MLPH: variants seen among roughly 807,000 people sequenced by gnomAD.
MLPH encodes the protein exophilin-3.
MLPH carries 51 observed loss-of-function variants against 72.1 expected under a neutral mutation model. The observed-to-expected ratio is 0.71, with a 90% CI of 0.56 to 0.89. MLPH has a LOEUF of 0.89. MLPH is among the 40% of genes least tolerant of loss of function. The pLI, the probability that MLPH is intolerant of heterozygous loss-of-function variation, is 0.00. For synonymous variants in MLPH, 301 were observed against 310.1 expected (o/e 0.97, Z 0.31); for missense variants, 743 against 759.9 (o/e 0.98, Z 0.26).
chr2:237,520,895 G>A (rs111512641), intron 6 of MLPH, among the ~76,000 whole-genome samples: 21,351 of 152,134 alleles, frequency 0.14, 1,629 homozygotes, highest in Non-Finnish European at 0.16. Context: ...GGTGAATTGT[G>A]GCTGAATAAA....
intron 2 of MLPH, among the ~76,000 whole-genome samples, chr2:237,493,800 G>A (rs1332597703): frequency 6.6e-6 from 1 of 152,214 alleles, no homozygotes; most frequent in Non-Finnish European, 1.5e-5. Flanking sequence ...CCTAAGCCAG[G>A]TGATACTTAG....
chr2:237,525,805 G>A lies in MLPH; in HGVS notation c.880G>A (p.Gly294Arg), dbSNP rs768762654. 5.9e-5 allele frequency: 95 copies of A among 1,611,028 alleles called. No individual in the cohort carries two copies. Among genetic ancestry groups the A allele is most frequent in the Non-Finnish European group, 7.4e-5 (87 of 1,179,908 alleles). ...GGCCCTGGGGACTGCTGCTGCACTC[G>A]GTAGGTGCCCTTGGCCAGGGTCTTC... ...RMALGTAAAL[G>R]SNVIRNEQLP... Residue 294 changes from glycine (G) to arginine (R), a missense_variant and splice_region_variant, in exon 7 of 16, where the codon GGG (glycine) becomes AGG (arginine). Coordinates refer to ENST00000264605, the MANE Select transcript of MLPH (RefSeq NM_024101.7).
chr2:237,554,793 T>A lies in MLPH; in HGVS notation c.*1201T>A, dbSNP rs1467005651. The stretch of plus-strand genomic sequence containing the variant: ...TAAGACACTTCCAGGAGCTTTCCAA[T>A]CTCTCACTTAAAACTAAGGTTTGAA... On this transcript the variant is annotated 3_prime_UTR_variant, in exon 16 of 16. Coordinates refer to ENST00000264605, the MANE Select transcript of MLPH (RefSeq NM_024101.7). 6.6e-6 allele frequency: 1 copy of A among 152,144 alleles called. No individual in the cohort carries two copies. Among genetic ancestry groups the A allele is most frequent in the African/African-American group, 2.4e-5 (1 of 41,416 alleles). The allele number at this position is 152,144 out of a possible 1,614,324, so 9.4% of individuals were successfully genotyped here. A position where few individuals can be genotyped will look rare whatever the true frequency, so the allele number is the denominator to read the frequency against.
Position 237,505,278 on chromosome 2 carries a change from C to G in MLPH, c.111-5296C>G, listed in dbSNP as rs896722613. On this transcript the variant is annotated intron_variant, in intron 2 of 15. Coordinates refer to ENST00000264605, the MANE Select transcript of MLPH (RefSeq NM_024101.7). The surrounding 1 kb of genome is among the most constrained non-coding windows in gnomAD (Gnocchi z 4.5). ...GGCACTGAGATACGGATGGCACCCA[C>G]CACTGAGACCCTGATCCCAGCCACA... 2.0e-5 allele frequency among the ~76,000 whole-genome samples: 3 copies of G among 152,176 alleles called. No individual in the cohort carries two copies. Among genetic ancestry groups the G allele is most frequent in the Non-Finnish European group, 4.4e-5 (3 of 68,016 alleles).
chr2:237,519,915 G>T lies in MLPH; in HGVS notation c.561G>T (p.Lys187Asn). ...CCTGTCTTGTGCCTGCTAAGAAAAA[G>T]CGCCTCCTCTCCGTCCACGACTTCG... ...AQAQPFGSKK[K>N]RLLSVHDFDF... The change falls in exon 6 of 16, where the codon AAG becomes AAT. Residue 187 changes from lysine to asparagine, a missense_variant. Transcript: ENST00000264605. 1 of 1,614,002 alleles carries T rather than the reference G, an allele frequency of 6.2e-7. No homozygotes were observed. Among genetic ancestry groups the T allele is most frequent in the Non-Finnish European group, 8.5e-7 (1 of 1,180,028 alleles).
rs938323304 is a variant in MLPH, at chr2:237,552,365, A to G, written c.1704A>G (p.Lys568=). 1.2e-6 allele frequency: 2 copies of G among 1,614,126 alleles called. No homozygotes were observed. The highest frequency in any genetic ancestry group is 1.1e-5 in the South Asian group (1 of 91,072). ...AAGATGATGATTCTTTTGATCGGAA[A>G]TCAGTGTACCGAGGCTCGCTGACAC... is the stretch of plus-strand genomic sequence containing the variant. ...QGKDDDSFDR[K]SVYRGSLTQR... is the part of the protein sequence containing the mutation. Residue 568 remains lysine, a synonymous_variant, in exon 15 of 16, where the codon AAA becomes AAG. Transcript: ENST00000264605.
chr2:237,511,391 T>A, intron 4 of MLPH: 1 of 401,006 alleles, frequency 2.5e-6, no homozygotes, highest in South Asian at 2.2e-5. Flanking sequence ...GGGTTATAAG[T>A]GTGAGCCACT....
intron 8 of MLPH, among the ~76,000 whole-genome samples, chr2:237,534,169 T>G (rs1223079793): frequency 6.6e-6 from 1 of 152,226 alleles, no homozygotes; most frequent in Non-Finnish European, 1.5e-5. Context: ...TCTTGCTAGC[T>G]AATGACTGTG....
At chr2:237,526,641 G>A (rs1013859382) in intron 7 of MLPH, among the ~76,000 whole-genome samples, 2 of 152,190 alleles carry the variant, frequency 1.3e-5, no homozygotes, top group Admixed American at 1.3e-4. Flanking sequence ...GCAGTCTGGG[G>A]GAGAGGCCAT....
chr2:237,503,961 G>A (rs2079708074), intron 2 of MLPH, among the ~76,000 whole-genome samples: 1 of 152,180 alleles, frequency 6.6e-6, no homozygotes, highest in African/African-American at 2.4e-5. Context: ...CCCTGGGCGG[G>A]CCTAATATCA....
At chr2:237,489,314 G>T (rs1285700534) in intron 1 of MLPH, among the ~76,000 whole-genome samples, 2 of 152,262 alleles carry the variant, frequency 1.3e-5, no homozygotes, top group Non-Finnish European at 2.9e-5. Flanking sequence ...GGGATGGCAA[G>T]TTGGTGGGCA....
At chr2:237,520,054 C>T (rs1574864548) in intron 6 of MLPH, 25 bp downstream of exon 6, 1 of 1,613,674 alleles carries the variant, frequency 6.2e-7, no homozygotes, top group Non-Finnish European at 8.5e-7. Flanking sequence ...GTGTCTTTCC[C>T]CTGCCCCTCC....
intron 9 of MLPH, among the ~76,000 whole-genome samples, chr2:237,537,027 C>T (rs1383672056): frequency 6.6e-6 from 1 of 152,234 alleles, no homozygotes; most frequent in East Asian, 1.9e-4. Context: ...GCGGAATGGC[C>T]CTCTGGGCCA....
At chr2:237,534,472 G>A (rs950719549) in intron 8 of MLPH, 92 bp from the exon 9 acceptor site, 72 of 1,051,750 alleles carry the variant, frequency 6.8e-5, no homozygotes, top group Non-Finnish European at 9.7e-5. Flanking sequence ...CGCTTCTTGG[G>A]AATTTGGTGC....
chr2:237,554,151 G>A lies in MLPH; in HGVS notation c.*559G>A, dbSNP rs749697579. The A allele has an allele frequency of 2.1e-5, 5 of 242,234 alleles. No homozygotes were observed. Among genetic ancestry groups the A allele is most frequent in the East Asian group, 9.4e-5 (1 of 10,678 alleles). The allele number at this position is 242,234 out of a possible 1,614,324, so 15.0% of individuals were successfully genotyped here. On this transcript the variant is annotated 3_prime_UTR_variant, in exon 16 of 16. Coordinates refer to ENST00000264605, the MANE Select transcript of MLPH (RefSeq NM_024101.7). ...ATAGACACCCCAGTCCCCACCCTACGTGCACCCGCTCTGCAAGTTCCCATG... is the reference window on the plus strand; with the variant it reads ...ATAGACACCCCAGTCCCCACCCTACATGCACCCGCTCTGCAAGTTCCCATG...
intron 9 of MLPH, among the ~76,000 whole-genome samples, chr2:237,536,669 C>T (rs1003897887): frequency 6.6e-6 from 1 of 152,214 alleles, no homozygotes; most frequent in Non-Finnish European, 1.5e-5. Context: ...GAACACTGAC[C>T]CAGGTCTCAC....
chr2:237,542,677 G>C lies in MLPH; in HGVS notation c.1539+18G>C, dbSNP rs1559372683. Reference sequence around the variant, plus strand: ...ACCTCCCGGTGAGTGGGGGGCAGTGGTGAGTGGAGACAGTGCTGAGTGGGG... The same window carrying C: ...ACCTCCCGGTGAGTGGGGGGCAGTGCTGAGTGGAGACAGTGCTGAGTGGGG... On this transcript the variant is annotated intron_variant, in intron 12 of 15. Coordinates refer to ENST00000264605, the MANE Select transcript of MLPH (RefSeq NM_024101.7). 6.5e-7 allele frequency: 1 copy of C among 1,537,948 alleles called. No homozygotes were observed. The highest frequency in any genetic ancestry group is 2.4e-5 in the East Asian group (1 of 41,130).
chr2:237,494,475 T>C (rs530725960), intron 2 of MLPH, among the ~76,000 whole-genome samples: 1 of 152,090 alleles, frequency 6.6e-6, no homozygotes, highest in South Asian at 2.1e-4. Flanking sequence ...TTCCCCTGAG[T>C]CACCACAGAC....
At position 237,542,610 on chromosome 2, in the gene MLPH, G is replaced by C. The variant is rs749189171; in HGVS notation, c.1490G>C (p.Gly497Ala). Residue 497 changes from glycine (G) to alanine (A), a missense_variant, in exon 12 of 16, where the codon GGG becomes GCG. By Grantham distance (60) the Gly-to-Ala change is moderately conservative (BLOSUM62 0). Coordinates refer to ENST00000264605, the MANE Select transcript of MLPH (RefSeq NM_024101.7). ...AGGATTGCAGCCCTGAGGGCCGCAG[G>C]GCTCACGGTGAAGCCCTCGGGAAAG... ...ESRIAALRAA[G>A]LTVKPSGKPR... The C allele has an allele frequency of 1.7e-5, 27 of 1,602,942 alleles. No homozygotes were observed. The South Asian group carries it at 2.6e-4, about 15-fold the overall frequency.
Sources: allele counts gnomAD v4.1 joint callset (sites outside exome capture counted in the v4.1 genomes callset), GRCh38; gene constraint gnomAD v4.1.1; non-coding constraint Gnocchi (gnomAD v3.1); transcripts MANE v1.5; gene names NCBI Gene and HGNC (gene_info 2026-07-23, HGNC 2026-07-21).